SDC2: variants seen among roughly 807,000 people sequenced by gnomAD.
SDC2 encodes the protein syndecan-2.
Under a neutral mutation model 22.2 loss-of-function variants are expected in SDC2, and 13 were observed. That is an observed-to-expected ratio of 0.59 (90% CI 0.38 to 0.93). The LOEUF is 0.93. Ranked by LOEUF, SDC2 falls within the 40% of genes least tolerant of loss-of-function variation. The pLI, the probability that SDC2 is intolerant of heterozygous loss-of-function variation, is 0.00. For missense variants in SDC2, 235 were observed against 246.8 expected, an observed-to-expected ratio of 0.95 and a Z score of 0.32; for synonymous variants, 94 against 92.8, an observed-to-expected ratio of 1.01 and a Z score of -0.07.
chr8:96,553,772 AT>A (rs5893392), intron 1 of SDC2, among the ~76,000 whole-genome samples: 77,515 of 149,220 alleles, frequency 0.52, 22,481 homozygotes, highest in Non-Finnish European at 0.68. Context: ...TTATTTAAAG[AT>A]TTTTTTTTTT....
intron 1 of SDC2, among the ~76,000 whole-genome samples, chr8:96,542,036 C>G (rs2589199): frequency 0.83 from 126,124 of 152,038 alleles, 52,828 homozygotes; most frequent in Non-Finnish European, 0.9. Context: ...TTAGGATGCT[C>G]TGGTCCTCAG....
Position 96,516,812 on chromosome 8 carries a change from C to T in SDC2, c.60+22481C>T, listed in dbSNP as rs1476856985. Among the ~76,000 whole-genome samples, 3 of 152,290 alleles carry T rather than the reference C, an allele frequency of 2.0e-5. No individual in the cohort carries two copies. In the East Asian group the frequency reaches 5.8e-4, roughly 29 times the overall value. Reference sequence around the variant, plus strand: ...TTGTGCATTGCATATAGTCATACCCCCTTTTCCATTTGTTAGTTGGTGGAC... The same window carrying T: ...TTGTGCATTGCATATAGTCATACCCTCTTTTCCATTTGTTAGTTGGTGGAC... On this transcript the variant is annotated intron_variant, in intron 1 of 4. Coordinates refer to ENST00000302190, the MANE Select transcript of SDC2 (RefSeq NM_002998.4).
intron 1 of SDC2, among the ~76,000 whole-genome samples, chr8:96,561,661 A>T (rs1446491213): frequency 2.0e-5 from 3 of 152,222 alleles, no homozygotes; most frequent in Non-Finnish European, 4.4e-5. Flanking sequence ...CTAAAAAGCA[A>T]ATTTCTTCCT....
chr8:96,529,980 G>C (rs1813634858), intron 1 of SDC2, among the ~76,000 whole-genome samples: 1 of 152,092 alleles, frequency 6.6e-6, no homozygotes. Flanking sequence ...GGAATGATGT[G>C]CTTCAAACTT....
chr8:96,593,643 C>T (rs1264779597), intron 2 of SDC2, 52 bp downstream of exon 2: 8 of 1,159,132 alleles, frequency 6.9e-6, no homozygotes, highest in Non-Finnish European at 1.0e-5. Flanking sequence ...CATGCACGCA[C>T]ACACATTTTA....
intron 2 of SDC2, among the ~76,000 whole-genome samples, chr8:96,594,093 C>A (rs1215521212): frequency 6.6e-6 from 1 of 152,060 alleles, no homozygotes; most frequent in East Asian, 1.9e-4. Flanking sequence ...AATGCAGCAG[C>A]CAAGTAAAAT....
intron 1 of SDC2, among the ~76,000 whole-genome samples, chr8:96,579,541 A>G (rs1420872081): frequency 2.0e-5 from 3 of 152,382 alleles, no homozygotes; most frequent in Non-Finnish European, 2.9e-5. Context: ...ATGACTGTCT[A>G]TAAACACAGG....
chr8:96,536,799 A>G (rs1451521365), intron 1 of SDC2, among the ~76,000 whole-genome samples: 2 of 152,176 alleles, frequency 1.3e-5, no homozygotes, highest in African/African-American at 4.8e-5. Flanking sequence ...TCTGGCCTCT[A>G]GGAGCTTCCT....
intron 1 of SDC2, among the ~76,000 whole-genome samples, chr8:96,587,360 T>C (rs1349954493): frequency 1.3e-5 from 2 of 152,206 alleles, no homozygotes; most frequent in African/African-American, 4.8e-5. Context: ...GCCTAGGAAA[T>C]TGCTACATAC....
intron 2 of SDC2, 92 bp from the exon 3 acceptor site, chr8:96,602,303 C>T: frequency 7.8e-7 from 1 of 1,289,172 alleles, no homozygotes; most frequent in Admixed American, 2.1e-5. Context: ...GAACATGATT[C>T]TGTCAGTGTC....
chr8:96,536,094 A>G (rs1813750329), intron 1 of SDC2, among the ~76,000 whole-genome samples: 1 of 151,980 alleles, frequency 6.6e-6, no homozygotes, highest in Non-Finnish European at 1.5e-5. Context: ...GAGGAATTTA[A>G]TTTATGGGTG....
At chr8:96,588,641 G>A (rs1246475760) in intron 1 of SDC2, among the ~76,000 whole-genome samples, 1 of 152,174 alleles carries the variant, frequency 6.6e-6, no homozygotes, top group African/African-American at 2.4e-5. Context: ...TTATTTTTAT[G>A]TTCAAAGGCT....
intron 1 of SDC2, among the ~76,000 whole-genome samples, chr8:96,500,099 C>G (rs959510368): frequency 7.2e-5 from 11 of 152,162 alleles, no homozygotes; most frequent in Non-Finnish European, 7.4e-5. Flanking sequence ...GTTTTGATGC[C>G]TCTGCACTCA....
chr8:96,499,441 A>G (rs1239633952), intron 1 of SDC2, among the ~76,000 whole-genome samples: 1 of 152,220 alleles, frequency 6.6e-6, no homozygotes, highest in African/African-American at 2.4e-5. Context: ...GCTGGTCTAG[A>G]TCACAGCATT....
At chr8:96,592,908 G>A (rs955474655) in intron 1 of SDC2, among the ~76,000 whole-genome samples, 1 of 152,248 alleles carries the variant, frequency 6.6e-6, no homozygotes, top group Non-Finnish European at 1.5e-5. Flanking sequence ...CTCAGCACAG[G>A]TCTGGGCTGG....
At chr8:96,496,193 T>C (rs2452995) in intron 1 of SDC2, among the ~76,000 whole-genome samples, 108,595 of 152,048 alleles carry the variant, frequency 0.71, 38,877 homozygotes, top group South Asian at 0.79. Context: ...TGTCTTCTGC[T>C]CCTCTGGGTT....
chr8:96,593,480 A>C lies in SDC2; in HGVS notation c.61A>C (p.Arg21=), dbSNP rs1209256070. 6.2e-7 allele frequency: 1 copy of C among 1,606,594 alleles called. No individual in the cohort carries two copies. Among genetic ancestry groups the C allele is most frequent in the African/African-American group, 1.3e-5 (1 of 74,796 alleles). ...GLVACVSAES[R]AELTSDKDMY... is the part of the protein sequence containing the mutation. ...GACTCCCTTGTCTTTCCTTTCTCAG[A>C]GAGCAGAGCTGACATCTGATAAAGA... Residue 21 remains arginine (R), a splice_region_variant and synonymous_variant, in exon 2 of 5, where the codon AGA becomes CGA. Transcript: ENST00000302190.
At position 96,602,504 on chromosome 8, in the gene SDC2, G is replaced by A. The variant is rs142924782; in HGVS notation, c.282G>A (p.Gln94=). The change falls in exon 3 of 5, where the codon CAG becomes CAA. Residue 94 remains glutamine, a synonymous_variant. Transcript: ENST00000302190. ...PKVETTTLNI[Q]NKIPAQTKSP... is the part of the protein sequence containing the mutation. ...TGGAAACCACGACGCTGAATATACA[G>A]AACAAGATACCTGCTCAGACAAAGG... is the stretch of plus-strand genomic sequence containing the variant. 1 of 1,614,116 alleles carries A rather than the reference G, an allele frequency of 6.2e-7. No homozygotes were observed. Among genetic ancestry groups the A allele is most frequent in the East Asian group, 2.2e-5 (1 of 44,880 alleles).
In SDC2 at chr8:96,608,251, A is replaced by T. The variant is rs539355366; in HGVS notation, c.307-84A>T. On this transcript the variant is annotated intron_variant, in intron 3 of 4. Coordinates refer to ENST00000302190, the MANE Select transcript of SDC2 (RefSeq NM_002998.4). ...AACTCATTCTTTGGGGGAAAAAAAA[A>T]TTTTGGAATATACTCATCTATTATT... is the stretch of plus-strand genomic sequence containing the variant. 323 of 1,377,658 alleles carry T rather than the reference A, an allele frequency of 2.3e-4. No homozygotes were observed. The East Asian group carries it at 2.4e-3, about 10-fold the overall frequency. 85.3% of individuals were successfully genotyped at this position (1,377,658 alleles called of 1,614,324 possible). A position where few individuals can be genotyped will look rare whatever the true frequency, so the allele number is the denominator to read the frequency against.
Sources: gnomAD v4.1 joint callset for allele counts (sites outside exome capture counted in the v4.1 genomes callset) on GRCh38, gnomAD v4.1.1 for gene constraint, MANE v1.5 for transcripts, NCBI Gene and HGNC (gene_info 2026-07-23, HGNC 2026-07-21) for gene names.